Variants in IPO11 observed in about 807,000 individuals in gnomAD.
The protein encoded by IPO11 is importin 11, also known as importin-11.
IPO11 carries 66 observed loss-of-function variants against 143.2 expected under a neutral mutation model. That is an observed-to-expected ratio of 0.46 (90% confidence interval 0.38 to 0.57). The LOEUF (loss-of-function observed/expected upper bound fraction) is 0.57. Among genes scored for constraint, IPO11 ranks in the 20% least tolerant of loss-of-function variants. The pLI, the probability that IPO11 is intolerant of heterozygous loss-of-function variation, is 0.00. For missense variants in IPO11, 1,026 were observed against 1,141.0 expected (o/e 0.90, Z 1.45); for synonymous variants, 385 against 377.8 (o/e 1.02, Z -0.22).
intron 18 of IPO11, among the ~76,000 whole-genome samples, chr5:62,505,418 G>T (rs1175890656): frequency 1.3e-5 from 2 of 152,040 alleles, no homozygotes; most frequent in Admixed American, 1.3e-4. Flanking sequence ...TAACATTGGG[G>T]TGTTAATATT....
intron 20 of IPO11, among the ~76,000 whole-genome samples, chr5:62,517,498 G>T (rs1430408153): frequency 1.3e-5 from 2 of 152,118 alleles, no homozygotes; most frequent in African/African-American, 4.8e-5. Flanking sequence ...CACCTCCCAG[G>T]TTCAAGCAAT....
At chr5:62,480,254 T>C (rs893593753) in intron 9 of IPO11, among the ~76,000 whole-genome samples, 11 of 152,174 alleles carry the variant, frequency 7.2e-5, no homozygotes, top group African/African-American at 2.4e-4. Context: ...GTTGTAGATG[T>C]GTGGTGTTAT....
intron 21 of IPO11, among the ~76,000 whole-genome samples, chr5:62,528,615 A>AT (rs1742443748): frequency 6.6e-6 from 1 of 152,148 alleles, no homozygotes; most frequent in Non-Finnish European, 1.5e-5. Flanking sequence ...TACTTCATGC[A>AT]TTTTAACTGG....
intron 20 of IPO11, among the ~76,000 whole-genome samples, chr5:62,519,288 G>A (rs945984698): frequency 6.6e-6 from 1 of 152,002 alleles, no homozygotes; most frequent in African/African-American, 2.4e-5. Flanking sequence ...ACAGATAAAG[G>A]AGTTAGTTCT....
chr5:62,475,543 C>T (rs1177440542), intron 8 of IPO11, among the ~76,000 whole-genome samples: 1 of 152,168 alleles, frequency 6.6e-6, no homozygotes, highest in East Asian at 1.9e-4. Flanking sequence ...GTTCATTCCT[C>T]TTTCTGTATT....
At chr5:62,606,611 C>T (rs961862563) in intron 29 of IPO11, among the ~76,000 whole-genome samples, 1 of 151,522 alleles carries the variant, frequency 6.6e-6, no homozygotes, top group Non-Finnish European at 1.5e-5. Context: ...CCGAGATAGG[C>T]AGATCACGAA....
In IPO11 at chr5:62,561,232, C is replaced by G. The variant is rs747922696; in HGVS notation, c.2557C>G (p.Leu853Val). 10 of 1,605,844 alleles carry G rather than the reference C, an allele frequency of 6.2e-6. No individual in the cohort carries two copies. Among genetic ancestry groups the G allele is most frequent in the Non-Finnish European group, 8.5e-6 (10 of 1,176,702 alleles). Reference protein sequence around the residue: ...ERRKLSALALLSLLPSDNSVI... With the variant: ...ERRKLSALALVSLLPSDNSVI... ...AAGAAAACTTTCAGCTTTGGCTTTG[C>G]TCTCTCTTCTGCCATCTGATAATAG... The change falls in exon 27 of 30, where the codon CTC (leucine) becomes GTC (valine). Residue 853 changes from leucine (L) to valine (V), a missense_variant. By Grantham distance (32) the Leu-to-Val change is conservative (BLOSUM62 1). This residue lies in a region of IPO11 where 351 missense variants were observed against 358.9 expected (regional missense o/e 0.98). Transcript: ENST00000325324.
chr5:62,440,042 C>T (rs1165505587), intron 2 of IPO11, among the ~76,000 whole-genome samples: 2 of 152,196 alleles, frequency 1.3e-5, no homozygotes, highest in Non-Finnish European at 2.9e-5. Flanking sequence ...TACTTCCATT[C>T]GTTCACTCAT....
intron 19 of IPO11, among the ~76,000 whole-genome samples, chr5:62,508,583 CCTCCTTTCCTCCCTTT>C (rs1458060056): frequency 3.3e-4 from 50 of 151,756 alleles, no homozygotes; most frequent in Non-Finnish European, 6.2e-4. Flanking sequence ...TTCCTCCCTT[CCTCCTTTCCTCCCTTT>C]CTCCCTCCCT....
intron 23 of IPO11, 65 bp from the exon 24 acceptor site, chr5:62,537,144 A>G: frequency 1.1e-6 from 1 of 944,122 alleles, no homozygotes; most frequent in Non-Finnish European, 1.7e-6. Context: ...TCCCAAATGA[A>G]ATTTTATGCC....
chr5:62,439,655 C>T (rs1487808267), intron 2 of IPO11, among the ~76,000 whole-genome samples: 1 of 151,526 alleles, frequency 6.6e-6, no homozygotes, highest in Non-Finnish European at 1.5e-5. Flanking sequence ...CTCCTGGGCT[C>T]AAATGATCCT....
At chr5:62,487,629 TA>T in intron 12 of IPO11, 141 bp from the exon 13 acceptor site, 1 of 772,496 alleles carries the variant, frequency 1.3e-6, no homozygotes, top group Non-Finnish European at 1.7e-6. Context: ...ATGGTAACCT[TA>T]CTTTTTTTTT....
At chr5:62,586,768 A>AAAAAAAAT (rs1554057003) in intron 27 of IPO11, among the ~76,000 whole-genome samples, 1 of 28,918 alleles carries the variant, frequency 3.5e-5, no homozygotes, top group African/African-American at 1.3e-4. Flanking sequence ...AAAAAAAAAA[A>AAAAAAAAT]ATATATATAT....
At chr5:62,523,934 A>T (rs1742283630) in intron 20 of IPO11, among the ~76,000 whole-genome samples, 1 of 152,064 alleles carries the variant, frequency 6.6e-6, no homozygotes, top group Non-Finnish European at 1.5e-5. Flanking sequence ...CTGTGGAAAA[A>T]ATTATAGATT....
At chr5:62,465,551 G>A (rs16890775) in intron 5 of IPO11, among the ~76,000 whole-genome samples, 2,570 of 152,266 alleles carry the variant, frequency 0.017, 68 homozygotes, top group African/African-American at 0.059. Flanking sequence ...ACAGTGGTTT[G>A]TGTTGTAACA....
intron 5 of IPO11, among the ~76,000 whole-genome samples, chr5:62,456,525 T>C (rs1326107899): frequency 6.6e-6 from 1 of 152,158 alleles, no homozygotes; most frequent in African/African-American, 2.4e-5. Flanking sequence ...GGCACAAACA[T>C]AGGTGTCTAC....
rs1306156672 is a variant in IPO11 at position 62,499,090 on chromosome 5, A to G, written c.1590+4966A>G. Among the ~76,000 whole-genome samples the G allele has an allele frequency of 3.3e-5, 5 of 152,186 alleles. No individual in the cohort carries two copies. The East Asian group carries it at 9.6e-4, about 29-fold the overall frequency. On this transcript the variant is annotated intron_variant, in intron 16 of 29. Transcript: ENST00000325324. Reference sequence around the variant, plus strand: ...GGCCGTCTTCATGGGCACGTTGACTACCAACCAGCATAGACATATAGTCAT... The same window carrying G: ...GGCCGTCTTCATGGGCACGTTGACTGCCAACCAGCATAGACATATAGTCAT...
intron 16 of IPO11, among the ~76,000 whole-genome samples, chr5:62,499,563 C>T (rs1741275118): frequency 7.0e-6 from 1 of 143,882 alleles, no homozygotes; most frequent in African/African-American, 2.5e-5. Flanking sequence ...CCACATCTTA[C>T]TCTAACTTTT....
intron 3 of IPO11, among the ~76,000 whole-genome samples, chr5:62,448,737 T>C (rs991918424): frequency 1.3e-5 from 2 of 152,130 alleles, no homozygotes; most frequent in Admixed American, 1.3e-4. Flanking sequence ...GTTCTACTTT[T>C]TTGTAGAGAT....
Sources: allele counts gnomAD v4.1 joint callset (sites outside exome capture counted in the v4.1 genomes callset), GRCh38; gene constraint gnomAD v4.1.1; regional missense constraint gnomAD v4.1.1; transcripts MANE v1.5; gene names NCBI Gene and HGNC (gene_info 2026-07-23, HGNC 2026-07-21).